Variants in RBFOX1 observed in about 807,000 individuals in gnomAD.
RBFOX1 encodes the protein RNA binding protein fox-1 homolog 1.
A neutral mutation model predicts 57.7 loss-of-function variants in RBFOX1; 8 were observed. The observed-to-expected ratio is 0.14, with a 90% CI of 0.08 to 0.25. RBFOX1 has a LOEUF of 0.25. RBFOX1 is among the 10% of genes least tolerant of loss of function. RBFOX1 has a pLI of 1.00. For synonymous variants in RBFOX1, 326 were observed against 222.4 expected (o/e 1.47, Z -4.15); for missense variants, 611 against 548.5 (o/e 1.11, Z -1.14).
intron 3 of RBFOX1, among the ~76,000 whole-genome samples, chr16:6,852,341 G>T (rs1353785340): frequency 6.6e-6 from 1 of 152,014 alleles, no homozygotes; most frequent in South Asian, 2.1e-4. Context: ...AGGGCCCTCT[G>T]GATAATCCAG....
chr16:7,238,485 C>CT (rs1381210079), intron 4 of RBFOX1, among the ~76,000 whole-genome samples: 1 of 151,994 alleles, frequency 6.6e-6, no homozygotes, highest in Non-Finnish European at 1.5e-5. Flanking sequence ...GCAATATTTA[C>CT]TTAGTACTTT....
intron 3 of RBFOX1, among the ~76,000 whole-genome samples, chr16:6,878,062 G>C (rs917793866): frequency 6.6e-6 from 1 of 152,086 alleles, no homozygotes; most frequent in African/African-American, 2.4e-5. Flanking sequence ...GACACACAAG[G>C]GTAGGACAGA....
chr16:6,654,822 A>G (rs918146746), intron 3 of RBFOX1, among the ~76,000 whole-genome samples, 172 bp downstream of exon 3: 1 of 152,042 alleles, frequency 6.6e-6, no homozygotes, highest in Non-Finnish European at 1.5e-5. Context: ...CTCCTTTACA[A>G]TCTGTGTTAC....
At chr16:6,720,048 C>G (rs1045149051) in intron 3 of RBFOX1, among the ~76,000 whole-genome samples, 1 of 151,942 alleles carries the variant, frequency 6.6e-6, no homozygotes, top group Non-Finnish European at 1.5e-5. Flanking sequence ...GAGCCAAGAT[C>G]ATGCCACTGC....
intron 3 of RBFOX1, among the ~76,000 whole-genome samples, chr16:6,937,575 A>G (rs181242989): frequency 2.0e-5 from 3 of 152,250 alleles, no homozygotes; most frequent in Admixed American, 2.0e-4. Flanking sequence ...CACACATTTT[A>G]GGGAGATGTG....
intron 3 of RBFOX1, among the ~76,000 whole-genome samples, chr16:6,961,943 A>C (rs2083107795): frequency 7.0e-6 from 1 of 143,840 alleles, no homozygotes; most frequent in Admixed American, 7.2e-5. Flanking sequence ...TCTTGTGCAG[A>C]CCTTCTGTCT....
chr16:5,966,047 T>C (rs2059837603), intron 4 of RBFOX1, among the ~76,000 whole-genome samples: 1 of 152,182 alleles, frequency 6.6e-6, no homozygotes, highest in African/African-American at 2.4e-5. Context: ...TTATTTTTCG[T>C]CTGTGCTTTC....
At chr16:7,569,358 G>A (rs1421818935) in intron 5 of RBFOX1, among the ~76,000 whole-genome samples, 2 of 152,054 alleles carry the variant, frequency 1.3e-5, no homozygotes, top group Admixed American at 6.5e-5. Flanking sequence ...GCCTTTCCTG[G>A]CCCCTGAAGG....
At chr16:7,272,640 CTG>C (rs1246197117) in intron 4 of RBFOX1, among the ~76,000 whole-genome samples, 2 of 150,452 alleles carry the variant, frequency 1.3e-5, no homozygotes, top group South Asian at 2.1e-4. Flanking sequence ...CTCCATCAAT[CTG>C]TGAATTTTTA....
chr16:5,271,469 T>C (rs2063005952), intron 1 of RBFOX1, among the ~76,000 whole-genome samples: 1 of 152,274 alleles, frequency 6.6e-6, no homozygotes, highest in Admixed American at 6.5e-5. Flanking sequence ...CAGCCTGGTC[T>C]GGGATCCACT....
intron 2 of RBFOX1, among the ~76,000 whole-genome samples, chr16:6,650,079 A>T (rs1342850008): frequency 6.6e-6 from 1 of 152,132 alleles, no homozygotes; most frequent in Non-Finnish European, 1.5e-5. Flanking sequence ...CTTTGAGTGA[A>T]TATGCAGTAG....
intron 2 of RBFOX1, among the ~76,000 whole-genome samples, chr16:6,438,810 T>C (rs2094303810): frequency 6.6e-6 from 1 of 150,846 alleles, no homozygotes; most frequent in South Asian, 2.1e-4. Context: ...TTATGCATGA[T>C]AAGTGTTTTT....
chr16:5,677,620 G>T (rs1477469099), intron 3 of RBFOX1, among the ~76,000 whole-genome samples: 6 of 152,198 alleles, frequency 3.9e-5, no homozygotes, highest in Admixed American at 2.0e-4. Context: ...ATACAGCAGA[G>T]AATGACACAG....
intron 1 of RBFOX1, among the ~76,000 whole-genome samples, chr16:6,053,455 G>T (rs1451138041): frequency 5.9e-5 from 9 of 152,142 alleles, no homozygotes; most frequent in Admixed American, 5.9e-4. Flanking sequence ...GAAGTAAGAG[G>T]CAGCTGTCAC....
chr16:6,518,698 T>TATCTGTCC (rs1263125179), intron 2 of RBFOX1, among the ~76,000 whole-genome samples: 1 of 152,132 alleles, frequency 6.6e-6, no homozygotes, highest in Non-Finnish European at 1.5e-5. Flanking sequence ...TCTATGTATG[T>TATCTGTCC]ATCTGTCCAT....
intron 2 of RBFOX1, among the ~76,000 whole-genome samples, chr16:6,411,365 A>G (rs1042320849): frequency 1.3e-5 from 2 of 152,190 alleles, no homozygotes; most frequent in Admixed American, 6.5e-5. Flanking sequence ...AAAATGGCAA[A>G]AATGTATATG....
chr16:5,311,220 GTACA>G (rs909030249), intron 1 of RBFOX1, among the ~76,000 whole-genome samples: 2 of 151,908 alleles, frequency 1.3e-5, no homozygotes, highest in African/African-American at 2.4e-5. Flanking sequence ...TTGTATGTAT[GTACA>G]TACATACATA....
intron 2 of RBFOX1, among the ~76,000 whole-genome samples, chr16:6,472,197 C>T (rs1057046827): frequency 2.6e-5 from 4 of 152,200 alleles, no homozygotes; most frequent in Non-Finnish European, 5.9e-5. Context: ...CAGGTAGGGG[C>T]ATGTGTCTGA....
intron 3 of RBFOX1, among the ~76,000 whole-genome samples, chr16:6,926,898 G>C (rs1267760090): frequency 1.3e-5 from 2 of 152,104 alleles, no homozygotes; most frequent in African/African-American, 4.8e-5. Flanking sequence ...TGTCCTAGCA[G>C]GTACTCCCTC....
Sources: gnomAD v4.1 joint callset for allele counts (sites outside exome capture counted in the v4.1 genomes callset) on GRCh38, gnomAD v4.1.1 for gene constraint, MANE v1.5 for transcripts, NCBI Gene and HGNC (gene_info 2026-07-23, HGNC 2026-07-21) for gene names.